The following RAD51B variants were observed in gnomAD, a reference collection of about 807,000 sequenced individuals.
The protein encoded by RAD51B is RAD51 paralog B.
RAD51B carries 38 observed loss-of-function variants against 42.2 expected under a neutral mutation model. The observed-to-expected ratio is 0.90, with a 90% CI of 0.70 to 1.18. The LOEUF (loss-of-function observed/expected upper bound fraction) is 1.18. Ranked by LOEUF, RAD51B falls within the 50% of genes most tolerant of loss-of-function variation. RAD51B has a pLI of 0.00. For missense variants in RAD51B, 373 were observed against 400.7 expected (o/e 0.93, Z 0.59); for synonymous variants, 154 against 145.2 (o/e 1.06, Z -0.43).
intron 4 of RAD51B, among the ~76,000 whole-genome samples, chr14:67,851,238 C>A (rs2041795664): frequency 6.6e-6 from 1 of 152,012 alleles, no homozygotes; most frequent in Non-Finnish European, 1.5e-5. Context: ...AGATGGCTGG[C>A]TGGACTTCCT....
At position 68,411,542 on chromosome 14, in the gene RAD51B, A is replaced by G; in HGVS notation, c.957+15A>G. ...AGAGAAGACAGGTGGGTGCTTTGAC[A>G]GTATTCTCTGACTATGAAGGTCGGG... is the stretch of plus-strand genomic sequence containing the variant. On this transcript the variant is annotated intron_variant, in intron 9 of 10. Transcript: ENST00000471583. 2.5e-6 allele frequency: 4 copies of G among 1,607,676 alleles called. No homozygotes were observed. The highest frequency in any genetic ancestry group is 3.4e-6 in the Non-Finnish European group (4 of 1,174,278).
chr14:67,901,771 G>A (rs776314859), intron 7 of RAD51B, among the ~76,000 whole-genome samples: 1 of 152,128 alleles, frequency 6.6e-6, no homozygotes, highest in Admixed American at 6.5e-5. Context: ...CAGCAACATG[G>A]ATCAAACTGG....
intron 10 of RAD51B, among the ~76,000 whole-genome samples, chr14:68,556,349 A>C (rs370515142): frequency 6.6e-6 from 1 of 152,116 alleles, no homozygotes. Flanking sequence ...TCAGGCCCCT[A>C]CCTGGAACCA....
At chr14:68,287,919 A>G (rs116395510) in intron 7 of RAD51B, among the ~76,000 whole-genome samples, 2,741 of 152,288 alleles carry the variant, frequency 0.018, 71 homozygotes, top group African/African-American at 0.061. Context: ...CAGAGAGACT[A>G]TGAAGCTTGC....
chr14:68,402,982 T>A (rs1434235863), intron 8 of RAD51B, among the ~76,000 whole-genome samples: 1 of 152,198 alleles, frequency 6.6e-6, no homozygotes, highest in Non-Finnish European at 1.5e-5. Context: ...GAAATAGAAC[T>A]GCAGGGTCCT....
chr14:68,588,383 C>T lies in RAD51B; in HGVS notation c.1037-6102C>T, dbSNP rs555153905. The stretch of plus-strand genomic sequence containing the variant: ...CTACCTAGGAGATGCAGCTTCAGTC[C>T]GTCCTCTTGCTATTTCACTTTTTTA... On this transcript the variant is annotated intron_variant, in intron 10 of 10. Coordinates refer to the RAD51B transcript ENST00000487270. Among the ~76,000 whole-genome samples, 6 of 152,282 alleles carry T rather than the reference C, an allele frequency of 3.9e-5. No individual in the cohort carries two copies. In the South Asian group the frequency reaches 6.2e-4, roughly 16 times the overall value.
At chr14:68,329,817 T>A (rs2139795908) in intron 8 of RAD51B, among the ~76,000 whole-genome samples, 1 of 151,934 alleles carries the variant, frequency 6.6e-6, no homozygotes, top group South Asian at 2.1e-4. Flanking sequence ...CCGTCTCTAC[T>A]AAAAGTACGA....
rs1057368128 is a variant in RAD51B at position 68,290,024 on chromosome 14, C to T, written c.757-1860C>T. Among the ~76,000 whole-genome samples the T allele has an allele frequency of 1.7e-4, 26 of 152,256 alleles. No individual in the cohort carries two copies. In the South Asian group the frequency reaches 2.3e-3, roughly 13 times the overall value. On this transcript the variant is annotated intron_variant, in intron 7 of 10. Transcript: ENST00000471583. ...AATTCATTTCTTTACCTGACCTTGC[C>T]GTCCCGGTCCCTCTCAGCCCTCAAT...
At chr14:67,821,432 T>C (rs1308128441) in intron 1 of RAD51B, among the ~76,000 whole-genome samples, 1 of 152,034 alleles carries the variant, frequency 6.6e-6, no homozygotes, top group Non-Finnish European at 1.5e-5. Context: ...TTAAAGTCCT[T>C]GTAGTTTAGA....
chr14:68,162,899 C>T (rs529674332), intron 7 of RAD51B, among the ~76,000 whole-genome samples: 28 of 152,294 alleles, frequency 1.8e-4, no homozygotes, highest in Non-Finnish European at 3.5e-4. Flanking sequence ...AAATTTTCTT[C>T]CTGTAAGCAT....
chr14:68,313,216 T>C (rs1237271628), intron 8 of RAD51B, among the ~76,000 whole-genome samples: 1 of 152,242 alleles, frequency 6.6e-6, no homozygotes, highest in African/African-American at 2.4e-5. Flanking sequence ...CCGTCCCATC[T>C]GCCTCCTTTG....
chr14:68,542,335 A>T (rs995616430), intron 10 of RAD51B, among the ~76,000 whole-genome samples: 2 of 152,244 alleles, frequency 1.3e-5, no homozygotes, highest in African/African-American at 4.8e-5. Context: ...TTCTAAGGGC[A>T]GTGTCAATGC....
At chr14:68,168,781 A>G (rs993153844) in intron 7 of RAD51B, among the ~76,000 whole-genome samples, 1 of 152,188 alleles carries the variant, frequency 6.6e-6, no homozygotes, top group Admixed American at 6.5e-5. Context: ...TAATTAACTT[A>G]ATAGAAATAA....
At chr14:68,497,352 C>T (rs1414804342) in intron 10 of RAD51B, 1 of 1,231,552 alleles carries the variant, frequency 8.1e-7, no homozygotes, top group Non-Finnish European at 1.0e-6. Flanking sequence ...CAGTAATCTG[C>T]ATCATAAGCT....
chr14:67,863,150 A>ATTTTTTT (rs5809367), intron 4 of RAD51B, among the ~76,000 whole-genome samples: 12 of 74,006 alleles, frequency 1.6e-4, no homozygotes, highest in African/African-American at 5.1e-4. Flanking sequence ...AAATATGGGA[A>ATTTTTTT]TTTTTTTTTT....
chr14:68,408,810 GACTA>G (rs2084346365), intron 8 of RAD51B, among the ~76,000 whole-genome samples: 1 of 152,128 alleles, frequency 6.6e-6, no homozygotes, highest in African/African-American at 2.4e-5. Flanking sequence ...AATAAGATGT[GACTA>G]ACTATGAACT....
intron 7 of RAD51B, among the ~76,000 whole-genome samples, chr14:68,248,464 A>G (rs1314921): frequency 0.16 from 23,943 of 151,544 alleles, 2,006 homozygotes; most frequent in Middle Eastern, 0.35. Flanking sequence ...AAGGATCTTC[A>G]TGTTTGGAAA....
At chr14:67,893,114 G>A (rs190314816) in intron 7 of RAD51B, among the ~76,000 whole-genome samples, 9 of 152,210 alleles carry the variant, frequency 5.9e-5, no homozygotes, top group Non-Finnish European at 1.2e-4. Flanking sequence ...ATGTACAAGA[G>A]TATCTATGGC....
intron 7 of RAD51B, among the ~76,000 whole-genome samples, chr14:68,255,872 C>T (rs1233686006): frequency 6.6e-6 from 1 of 152,070 alleles, no homozygotes; most frequent in Admixed American, 6.5e-5. Context: ...ATTAGAGGTG[C>T]CTGGGGGAGG....
Sources: gnomAD v4.1 joint callset for allele counts (sites outside exome capture counted in the v4.1 genomes callset) on GRCh38, gnomAD v4.1.1 for gene constraint, MANE v1.5 for transcripts, NCBI Gene and HGNC (gene_info 2026-07-23, HGNC 2026-07-21) for gene names.